RUFY4: variants seen among roughly 807,000 people sequenced by gnomAD.
RUFY4 encodes the protein RUN and FYVE domain-containing protein 4.
In RUFY4, 73 loss-of-function variants were observed where a neutral mutation model predicts 69.0. The ratio of observed to expected loss-of-function variants is 1.06; its 90% CI spans 0.88 to 1.29. The LOEUF is 1.29. Among genes scored for constraint, RUFY4 ranks in the 50% most tolerant of loss-of-function variants. The pLI is 0.00. For missense variants in RUFY4, 770 were observed against 705.6 expected (o/e 1.09, Z -1.03); for synonymous variants, 287 against 271.8 (o/e 1.06, Z -0.55).
intron 9 of RUFY4, among the ~76,000 whole-genome samples, chr2:218,087,010 A>C (rs142624917): frequency 0.03 from 4,518 of 152,346 alleles, 64 homozygotes; most frequent in South Asian, 0.049. Context: ...ATGTTGTAGA[A>C]GACATCTTAG....
At chr2:218,063,956 T>C (rs555984601) in intron 3 of RUFY4, among the ~76,000 whole-genome samples, 1 of 152,048 alleles carries the variant, frequency 6.6e-6, no homozygotes, top group South Asian at 2.1e-4. Flanking sequence ...CCTATCTGGG[T>C]AAAAACAGGA....
At chr2:218,063,344 G>A (rs140373091) in intron 3 of RUFY4, among the ~76,000 whole-genome samples, 1 of 152,152 alleles carries the variant, frequency 6.6e-6, no homozygotes, top group African/African-American at 2.4e-5. Context: ...CACTCACCAG[G>A]CTGGGCACAG....
intron 2 of RUFY4, among the ~76,000 whole-genome samples, chr2:218,040,402 C>T (rs947364847): frequency 1.3e-5 from 2 of 152,306 alleles, no homozygotes; most frequent in South Asian, 4.1e-4. Context: ...GTGGCTCCTA[C>T]GGTTGGACAC....
At chr2:218,061,104 C>A in intron 3 of RUFY4, 1 of 544,984 alleles carries the variant, frequency 1.8e-6, no homozygotes, top group Non-Finnish European at 3.6e-6. Context: ...ATCTTGGAGG[C>A]AGCCAAGATG....
chr2:218,076,013 C>G (rs75670487), intron 7 of RUFY4, among the ~76,000 whole-genome samples: 3,179 of 152,268 alleles, frequency 0.021, 109 homozygotes, highest in African/African-American at 0.072. Context: ...GATCCCTTCC[C>G]AGCAGTTCTT....
chr2:218,072,617 A>C, intron 3 of RUFY4, 118 bp downstream of exon 5: 5 of 1,421,308 alleles, frequency 3.5e-6, no homozygotes, highest in Non-Finnish European at 4.7e-6. Flanking sequence ...ATGTCTCCTA[A>C]GCCCTGCCCA....
chr2:218,050,161 C>A (rs1045577642), intron 2 of RUFY4, among the ~76,000 whole-genome samples: 7 of 152,184 alleles, frequency 4.6e-5, no homozygotes, highest in Non-Finnish European at 1.0e-4. Context: ...CATTTTTAGC[C>A]CATAAAAATC....
At chr2:218,074,936 T>A (rs1224891079) in intron 6 of RUFY4, among the ~76,000 whole-genome samples, 157 bp from the exon 9 acceptor site, 2 of 151,984 alleles carry the variant, frequency 1.3e-5, no homozygotes, top group Non-Finnish European at 2.9e-5. Context: ...TTGCTAAAAG[T>A]CAGATTTGGG....
chr2:218,088,833 C>T (rs1183991885), intron 9 of RUFY4, among the ~76,000 whole-genome samples: 6 of 152,054 alleles, frequency 3.9e-5, no homozygotes, highest in African/African-American at 1.2e-4. Context: ...CCTCTGTCTC[C>T]ATTTTCTCTG....
intron 2 of RUFY4, among the ~76,000 whole-genome samples, chr2:218,050,076 T>C (rs1286662467): frequency 2.6e-5 from 4 of 152,306 alleles, no homozygotes; most frequent in African/African-American, 9.6e-5. Context: ...ATTGGCTACT[T>C]CTGGATGATG....
At chr2:218,064,028 A>T (rs1443111699) in intron 3 of RUFY4, among the ~76,000 whole-genome samples, 1 of 152,158 alleles carries the variant, frequency 6.6e-6, no homozygotes, top group Non-Finnish European at 1.5e-5. Context: ...GAAGTTGGTC[A>T]CAAAACAATA....
At chr2:218,054,948 GTTTC>G (rs1559424346) in intron 2 of RUFY4, among the ~76,000 whole-genome samples, 1 of 152,094 alleles carries the variant, frequency 6.6e-6, no homozygotes, top group African/African-American at 2.4e-5. Context: ...ATAAAATTCT[GTTTC>G]TTTATAGGAA....
At chr2:218,077,861 A>G (rs1448862276) in intron 8 of RUFY4, among the ~76,000 whole-genome samples, 2 of 152,212 alleles carry the variant, frequency 1.3e-5, no homozygotes, top group Admixed American at 1.3e-4. Context: ...TCAGGGCAAA[A>G]TGAACATGGG....
chr2:218,061,494 C>G (rs1689191337), intron 3 of RUFY4: 1 of 167,450 alleles, frequency 6.0e-6, no homozygotes. Flanking sequence ...TCTTGCCTAT[C>G]CATCCAAGAA....
chr2:218,058,219 C>A (rs1342306307), intron 2 of RUFY4, among the ~76,000 whole-genome samples: 6 of 152,166 alleles, frequency 3.9e-5, no homozygotes, highest in African/African-American at 1.4e-4. Context: ...CAAAATGACC[C>A]GAGTTGTCCT....
chr2:218,074,788 A>G (rs4672869), intron 6 of RUFY4, among the ~76,000 whole-genome samples: 86,438 of 151,870 alleles, frequency 0.57, 26,937 homozygotes, highest in African/African-American at 0.82. Context: ...GAAAGGAGTG[A>G]GAGGAACTTA....
chr2:218,077,695 C>A (rs1416897380), intron 8 of RUFY4, among the ~76,000 whole-genome samples: 3 of 152,210 alleles, frequency 2.0e-5, no homozygotes, highest in African/African-American at 7.2e-5. Flanking sequence ...GCCTGAGTAG[C>A]TGTGATTCAG....
chr2:218,078,292 C>T (rs1689682367), intron 8 of RUFY4, among the ~76,000 whole-genome samples: 1 of 152,144 alleles, frequency 6.6e-6, no homozygotes, highest in South Asian at 2.1e-4. Context: ...CAGGGAAGAC[C>T]TCCCTGTAAA....
chr2:218,038,017 A>G (rs922571701), intron 2 of RUFY4, among the ~76,000 whole-genome samples: 5 of 152,238 alleles, frequency 3.3e-5, no homozygotes, highest in Admixed American at 1.3e-4. Context: ...AAAAAACATT[A>G]TCCTCCTCAG....
Sources: gnomAD v4.1 joint callset for allele counts (sites outside exome capture counted in the v4.1 genomes callset) on GRCh38, gnomAD v4.1.1 for gene constraint, MANE v1.5 for transcripts, NCBI Gene and HGNC (gene_info 2026-07-23, HGNC 2026-07-21) for gene names.